PCDHA1: variants seen among roughly 807,000 people sequenced by gnomAD.
The protein encoded by PCDHA1 is protocadherin alpha-1.
PCDHA1 carries 42 observed loss-of-function variants against 61.3 expected under a neutral mutation model. The observed-to-expected ratio is 0.69, with a 90% CI of 0.54 to 0.89. PCDHA1 has a LOEUF of 0.89. Among genes scored for constraint, PCDHA1 ranks in the 40% least tolerant of loss-of-function variants. The probability of loss-of-function intolerance (pLI) is 0.00; values close to 1 mark genes in which losing one functional copy is unlikely to be tolerated. For synonymous variants in PCDHA1, 610 were observed against 553.8 expected (o/e 1.10, Z -1.43); for missense variants, 1,256 against 1,235.3 (o/e 1.02, Z -0.25).
intron 1 of PCDHA1, chr5:140,870,349 A>G (rs1554164130): frequency 6.2e-7 from 1 of 1,614,154 alleles, no homozygotes; most frequent in Non-Finnish European, 8.5e-7. Context: ...GGACCGCGAG[A>G]ACGTGTGGGC....
At chr5:140,871,519 A>C in intron 1 of PCDHA1, 1 of 1,554,010 alleles carries the variant, frequency 6.4e-7, no homozygotes, top group Non-Finnish European at 8.7e-7. Context: ...GATTCCACCT[A>C]TCAGGAAGTG....
intron 1 of PCDHA1, among the ~76,000 whole-genome samples, chr5:140,964,638 A>T (rs1402541821): frequency 3.9e-5 from 6 of 152,098 alleles, no homozygotes; most frequent in Admixed American, 2.0e-4. Context: ...ATTTATTTTC[A>T]GAAACAAGTA....
At chr5:140,830,056 T>G (rs1770781900) in intron 1 of PCDHA1, 1 of 1,613,606 alleles carries the variant, frequency 6.2e-7, no homozygotes, top group Non-Finnish European at 8.5e-7. Flanking sequence ...AAGACCACGG[T>G]GAGCCGGCGC....
At chr5:140,874,154 C>A (rs1554167062) in intron 1 of PCDHA1, among the ~76,000 whole-genome samples, 1 of 152,102 alleles carries the variant, frequency 6.6e-6, no homozygotes, top group African/African-American at 2.4e-5. Flanking sequence ...TAGAGCCATT[C>A]TTGGTTACTC....
chr5:140,989,889 C>T (rs1220430844), intron 3 of PCDHA1, among the ~76,000 whole-genome samples: 3 of 151,522 alleles, frequency 2.0e-5, no homozygotes, highest in Admixed American at 6.6e-5. Flanking sequence ...TTGGAGTCTC[C>T]GTTATTCACA....
At position 141,000,391 on chromosome 5, in the gene PCDHA1, CTCTCTATA is replaced by C. The variant is rs1374519322; in HGVS notation, c.2543-9234_2543-9227del. Reference sequence around the variant, plus strand: ...TCTCTCTCTCTCTCTCTCTCTCTCTCTCTCTATATATATATATATATATATATATATTT... The same window carrying C: ...TCTCTCTCTCTCTCTCTCTCTCTCTCTATATATATATATATATATATATTT... On this transcript the variant is annotated intron_variant, in intron 3 of 3. Transcript: ENST00000504120. Among the ~76,000 whole-genome samples the C allele has an allele frequency of 7.6e-3, 431 of 56,394 alleles. 1 individual carries two copies. The highest frequency in any genetic ancestry group is 0.013 in the African/African-American group (152 of 11,988). The allele number at this position is 56,394 out of a possible 152,430, so 37.0% of individuals were successfully genotyped here. A position where few individuals can be genotyped will look rare whatever the true frequency, so the allele number is the denominator to read the frequency against.
chr5:141,003,453 A>T (rs2098125483), intron 3 of PCDHA1, among the ~76,000 whole-genome samples: 1 of 152,126 alleles, frequency 6.6e-6, no homozygotes, highest in East Asian at 1.9e-4. Flanking sequence ...ATGAAATTAC[A>T]GGCGTGCACC....
At chr5:140,790,770 T>C (rs1761599612) in intron 1 of PCDHA1, among the ~76,000 whole-genome samples, 1 of 152,270 alleles carries the variant, frequency 6.6e-6, no homozygotes, top group Admixed American at 6.5e-5. Flanking sequence ...CAATATTTCT[T>C]TATTTAGTTT....
intron 1 of PCDHA1, among the ~76,000 whole-genome samples, chr5:140,887,924 G>C (rs782008714): frequency 6.6e-5 from 10 of 152,026 alleles, no homozygotes; most frequent in Admixed American, 6.6e-4. Context: ...TCATTTCAGA[G>C]ACCATATTTA....
intron 3 of PCDHA1, among the ~76,000 whole-genome samples, chr5:141,001,297 A>G (rs1367498675): frequency 1.3e-5 from 2 of 152,202 alleles, no homozygotes; most frequent in African/African-American, 2.4e-5. Context: ...ACTGAGGCCC[A>G]GAGATATGAA....
chr5:140,864,629 A>G (rs2048549336), intron 1 of PCDHA1: 1 of 152,244 alleles, frequency 6.6e-6, no homozygotes, highest in Non-Finnish European at 1.5e-5. Context: ...TAAAAAGAAA[A>G]CAAAACAAAA....
intron 1 of PCDHA1, chr5:140,835,907 G>T (rs2150248091): frequency 6.2e-7 from 1 of 1,612,200 alleles, no homozygotes. Flanking sequence ...CGAGCTACGT[G>T]TCAGTGCACG....
In PCDHA1 at chr5:140,944,201, G is replaced by T. The variant is rs1389405246; in HGVS notation, c.2395-34748G>T. Among the ~76,000 whole-genome samples, 5 of 152,034 alleles carry T rather than the reference G, an allele frequency of 3.3e-5. No homozygotes were observed. In the East Asian group the frequency reaches 9.6e-4, roughly 29 times the overall value. On this transcript the variant is annotated intron_variant, in intron 1 of 3. Coordinates refer to ENST00000504120, the MANE Select transcript of PCDHA1 (RefSeq NM_018900.4). ...TTGTTGGTTTGTTTTGTTTTGTTTT[G>T]TTTTTAAAGAGGGTTTTACTCTGTC...
chr5:140,830,174 G>C, intron 1 of PCDHA1: 1 of 1,613,632 alleles, frequency 6.2e-7, no homozygotes, highest in Non-Finnish European at 8.5e-7. Flanking sequence ...GGCGCTGGTG[G>C]ATGTCAACGT....
intron 1 of PCDHA1, chr5:140,801,862 T>C: frequency 6.2e-7 from 1 of 1,614,070 alleles, no homozygotes; most frequent in Middle Eastern, 1.6e-4. Flanking sequence ...AAACCAGAGC[T>C]CACTGGCACG....
At chr5:140,861,422 T>G in intron 1 of PCDHA1, 1 of 482,430 alleles carries the variant, frequency 2.1e-6, no homozygotes, top group Admixed American at 2.1e-5. Flanking sequence ...CGCGCCTGTT[T>G]CAGTTGGATT....
intron 1 of PCDHA1, chr5:140,864,839 G>T (rs1335962458): frequency 6.6e-6 from 1 of 152,156 alleles, no homozygotes; most frequent in African/African-American, 2.4e-5. Flanking sequence ...GTATAAGAGA[G>T]TCTTCCCATA....
intron 1 of PCDHA1, chr5:140,877,996 AT>A (rs1305761926): frequency 2.6e-5 from 27 of 1,037,884 alleles, no homozygotes; most frequent in Non-Finnish European, 3.2e-5. Flanking sequence ...ACTTTTATGT[AT>A]TTGTCTAACA....
At chr5:140,943,248 ACT>A (rs1250099362) in intron 1 of PCDHA1, among the ~76,000 whole-genome samples, 2 of 133,008 alleles carry the variant, frequency 1.5e-5, no homozygotes, top group Non-Finnish European at 3.1e-5. Flanking sequence ...ACAGAGTGAG[ACT>A]CTGTCTCAAA....
Sources: gnomAD v4.1 joint callset for allele counts (sites outside exome capture counted in the v4.1 genomes callset) on GRCh38, gnomAD v4.1.1 for gene constraint, MANE v1.5 for transcripts, NCBI Gene and HGNC (gene_info 2026-07-23, HGNC 2026-07-21) for gene names.